HS6ST3: variants seen among roughly 807,000 people sequenced by gnomAD.
HS6ST3 encodes heparan sulfate 6-O-sulfotransferase 3.
Under a neutral mutation model 36.7 loss-of-function variants are expected in HS6ST3, and 12 were observed. The ratio of observed to expected loss-of-function variants is 0.33; its 90% CI spans 0.21 to 0.53. The LOEUF (loss-of-function observed/expected upper bound fraction) is 0.53, where lower values mean the gene tolerates loss of function less well. Among genes scored for constraint, HS6ST3 ranks in the 20% least tolerant of loss-of-function variants. The pLI, the probability that HS6ST3 is intolerant of heterozygous loss-of-function variation, is 0.95. For missense variants in HS6ST3, 584 were observed against 640.9 expected (o/e 0.91, Z 0.96); for synonymous variants, 240 against 257.5 (o/e 0.93, Z 0.65).
intron 1 of HS6ST3, among the ~76,000 whole-genome samples, chr13:96,526,014 A>G (rs552710394): frequency 3.7e-4 from 57 of 152,344 alleles, no homozygotes; most frequent in African/African-American, 9.6e-4. Flanking sequence ...GTGAAGAGGA[A>G]GGTTTTCAGT....
intron 1 of HS6ST3, among the ~76,000 whole-genome samples, chr13:96,620,085 T>C (rs542164551): frequency 6.6e-6 from 1 of 152,342 alleles, no homozygotes; most frequent in African/African-American, 2.4e-5. Context: ...TTATAGACTT[T>C]GGTGATGAGG....
chr13:96,303,417 G>T (rs957756295), intron 1 of HS6ST3, among the ~76,000 whole-genome samples: 1 of 152,122 alleles, frequency 6.6e-6, no homozygotes, highest in African/African-American at 2.4e-5. Flanking sequence ...GAAGGAGAAG[G>T]GGCTAAGTGT....
At chr13:96,238,976 T>C (rs2054547731) in intron 1 of HS6ST3, among the ~76,000 whole-genome samples, 1 of 152,150 alleles carries the variant, frequency 6.6e-6, no homozygotes, top group South Asian at 2.1e-4. Flanking sequence ...CAGCAAGATT[T>C]AGACCTTGAA....
rs372400795 is a variant in HS6ST3 at position 96,363,350 on chromosome 13, G to A, written c.707+271781G>A. Among the ~76,000 whole-genome samples the A allele has an allele frequency of 3.3e-5, 5 of 150,692 alleles. No individual in the cohort carries two copies. In the East Asian group the frequency reaches 5.8e-4, roughly 18 times the overall value. ...GTGATTTCAAAATTTAAAGTTTAAA[G>A]CAAAGAAGTTGACCCAGAAGTGGCA... On this transcript the variant is annotated intron_variant, in intron 1 of 1. Coordinates refer to ENST00000376705, the MANE Select transcript of HS6ST3 (RefSeq NM_153456.4).
intron 1 of HS6ST3, among the ~76,000 whole-genome samples, chr13:96,128,702 A>T (rs2053962728): frequency 6.6e-6 from 1 of 151,952 alleles, no homozygotes; most frequent in African/African-American, 2.4e-5. Context: ...TCTTCCCCTC[A>T]ATCACATTCT....
chr13:96,099,934 G>C (rs1400713799), intron 1 of HS6ST3, among the ~76,000 whole-genome samples: 2 of 152,176 alleles, frequency 1.3e-5, no homozygotes, highest in Admixed American at 6.5e-5. Flanking sequence ...TTGAAAGAAA[G>C]ACATGTGGTA....
intron 1 of HS6ST3, among the ~76,000 whole-genome samples, chr13:96,330,067 TA>T (rs1475125831): frequency 6.8e-6 from 1 of 146,922 alleles, no homozygotes; most frequent in Non-Finnish European, 1.5e-5. Context: ...ATTTTGAGCC[TA>T]TGTGTGTCTC....
At chr13:96,181,019 T>A (rs953563188) in intron 1 of HS6ST3, among the ~76,000 whole-genome samples, 2 of 152,224 alleles carry the variant, frequency 1.3e-5, no homozygotes, top group Non-Finnish European at 2.9e-5. Flanking sequence ...ACATTCTGCT[T>A]AAGGTAATAA....
chr13:96,714,005 C>A (rs756392359), intron 1 of HS6ST3, among the ~76,000 whole-genome samples: 3 of 151,914 alleles, frequency 2.0e-5, no homozygotes, highest in Non-Finnish European at 4.4e-5. Flanking sequence ...AAAATAAGAC[C>A]CTTACCTTAT....
intron 1 of HS6ST3, among the ~76,000 whole-genome samples, chr13:96,614,190 C>T (rs185944076): frequency 7.1e-4 from 103 of 145,302 alleles, no homozygotes; most frequent in African/African-American, 2.5e-3. Flanking sequence ...CCCAGCTACT[C>T]GGGAGGCTGA....
chr13:96,762,056 A>T (rs1328294416), intron 1 of HS6ST3, among the ~76,000 whole-genome samples: 1 of 151,352 alleles, frequency 6.6e-6, no homozygotes, highest in Non-Finnish European at 1.5e-5. Context: ...TTATGTTTTT[A>T]TATATATATA....
chr13:96,574,525 G>A (rs958732290), intron 1 of HS6ST3: 60 of 368,950 alleles, frequency 1.6e-4, no homozygotes, highest in African/African-American at 1.2e-3. Context: ...TGCATGACCA[G>A]TCCCACTCCC....
chr13:96,300,036 A>G (rs1381085372), intron 1 of HS6ST3, among the ~76,000 whole-genome samples: 2 of 150,544 alleles, frequency 1.3e-5, no homozygotes, highest in Non-Finnish European at 3.0e-5. Context: ...AGCGAAGGGA[A>G]AAGTGCTACA....
chr13:96,415,988 C>T (rs1458235859), intron 1 of HS6ST3, among the ~76,000 whole-genome samples: 2 of 152,102 alleles, frequency 1.3e-5, no homozygotes, highest in East Asian at 1.9e-4. Flanking sequence ...TCATCGGTGG[C>T]AGTCATCATT....
intron 1 of HS6ST3, among the ~76,000 whole-genome samples, chr13:96,245,306 A>C (rs892111031): frequency 2.0e-5 from 3 of 152,204 alleles, no homozygotes; most frequent in Non-Finnish European, 4.4e-5. Context: ...GCAATCTTAC[A>C]GTCACCAAAA....
At chr13:96,597,677 A>T (rs534829904) in intron 1 of HS6ST3, among the ~76,000 whole-genome samples, 1 of 151,736 alleles carries the variant, frequency 6.6e-6, no homozygotes, top group Admixed American at 6.6e-5. Context: ...TGTGTTTTTC[A>T]GTTTGGCTAT....
At chr13:96,746,216 T>G (rs191406287) in intron 1 of HS6ST3, among the ~76,000 whole-genome samples, 3 of 152,210 alleles carry the variant, frequency 2.0e-5, no homozygotes, top group Non-Finnish European at 4.4e-5. Flanking sequence ...ACCTTTAACA[T>G]TTTTAATATA....
intron 1 of HS6ST3, among the ~76,000 whole-genome samples, chr13:96,248,919 C>T (rs1326260632): frequency 1.3e-5 from 2 of 152,156 alleles, no homozygotes; most frequent in African/African-American, 4.8e-5. Context: ...TTCACATCTG[C>T]CATCTAGTGT....
At chr13:96,405,367 T>C (rs550204103) in intron 1 of HS6ST3, among the ~76,000 whole-genome samples, 47 of 152,328 alleles carry the variant, frequency 3.1e-4, no homozygotes, top group African/African-American at 1.1e-3. Context: ...GGTTGAACAA[T>C]ATGAATATAC....
Sources: allele counts gnomAD v4.1 joint callset (sites outside exome capture counted in the v4.1 genomes callset), GRCh38; gene constraint gnomAD v4.1.1; transcripts MANE v1.5; gene names NCBI Gene and HGNC (gene_info 2026-07-23, HGNC 2026-07-21).